Variants in USH2A observed in about 807,000 individuals in gnomAD.
USH2A encodes the protein usherin, also known as Usher syndrome 2A (autosomal recessive, mild).
USH2A carries 443 observed loss-of-function variants against 538.9 expected under a neutral mutation model. The observed-to-expected ratio is 0.82, with a 90% CI of 0.76 to 0.89. The LOEUF is 0.89. USH2A is among the 40% of genes least tolerant of loss of function. The pLI is 0.00. For synonymous variants in USH2A, 2,413 were observed against 2,273.5 expected (o/e 1.06, Z -1.75); for missense variants, 6,633 against 6,324.8 (o/e 1.05, Z -1.65).
intron 21 of USH2A, among the ~76,000 whole-genome samples, chr1:216,164,626 C>T (rs545976619): frequency 3.2e-4 from 49 of 152,118 alleles, no homozygotes; most frequent in African/African-American, 1.2e-3. Context: ...AACATGTATG[C>T]TTCTAGTGGA....
intron 13 of USH2A, among the ~76,000 whole-genome samples, chr1:216,236,501 GTTTA>G: frequency 6.6e-6 from 1 of 152,100 alleles, no homozygotes; most frequent in East Asian, 1.9e-4. Context: ...CTCAATAGAT[GTTTA>G]TTGAAAAACA....
chr1:216,344,177 T>G (rs1403597592), intron 4 of USH2A, among the ~76,000 whole-genome samples: 2 of 151,974 alleles, frequency 1.3e-5, no homozygotes, highest in Non-Finnish European at 2.9e-5. Context: ...ACATTTCCAA[T>G]AAAAGCTTAA....
At chr1:215,959,056 C>G (rs1667136792) in intron 37 of USH2A, among the ~76,000 whole-genome samples, 1 of 152,068 alleles carries the variant, frequency 6.6e-6, no homozygotes, top group African/African-American at 2.4e-5. Flanking sequence ...TCCTTGGAGC[C>G]AGAAGCACCA....
At chr1:215,965,923 T>TCTCACA (rs1016685578) in intron 36 of USH2A, among the ~76,000 whole-genome samples, 7 of 142,470 alleles carry the variant, frequency 4.9e-5, no homozygotes, top group African/African-American at 1.6e-4. Flanking sequence ...CTCTTCTCTG[T>TCTCACA]CACACACACA....
At chr1:216,307,377 C>T (rs1054107184) in intron 9 of USH2A, among the ~76,000 whole-genome samples, 2 of 152,116 alleles carry the variant, frequency 1.3e-5, no homozygotes, top group African/African-American at 4.8e-5. Context: ...CCTCACCCAG[C>T]TCCCATGCAA....
At chr1:216,107,417 G>A (rs1427967275) in intron 21 of USH2A, among the ~76,000 whole-genome samples, 1 of 151,632 alleles carries the variant, frequency 6.6e-6, no homozygotes, top group Non-Finnish European at 1.5e-5. Context: ...AATTTTGGCT[G>A]ATATAAATAT....
At chr1:216,131,398 G>A (rs933572188) in intron 21 of USH2A, among the ~76,000 whole-genome samples, 1 of 152,042 alleles carries the variant, frequency 6.6e-6, no homozygotes, top group African/African-American at 2.4e-5. Flanking sequence ...CCAATGCCTA[G>A]AAGGGTTTTT....
chr1:215,687,038 G>A (rs992088725), intron 61 of USH2A, among the ~76,000 whole-genome samples: 2 of 152,144 alleles, frequency 1.3e-5, no homozygotes, highest in African/African-American at 2.4e-5. Context: ...ACATGTTTGA[G>A]TGGAACCCTC....
rs768572078 is a variant in USH2A at position 216,099,622 on chromosome 1, GGACA to G, written c.4628-2413_4628-2410del. Among the ~76,000 whole-genome samples the G allele has an allele frequency of 2.0e-4, 30 of 152,046 alleles. 1 individual carries two copies. Among genetic ancestry groups the G allele is most frequent in the Non-Finnish European group, 1.5e-4 (10 of 68,000 alleles). On this transcript the variant is annotated intron_variant, in intron 21 of 71. Coordinates refer to ENST00000307340, the MANE Select transcript of USH2A (RefSeq NM_206933.4). ...GCTGTGCTTTGGGAGAATAAGACAA[GGACA>G]GACAAGTAACTGAATTAGTAATTGA...
intron 3 of USH2A, among the ~76,000 whole-genome samples, chr1:216,407,604 A>G (rs2039417166): frequency 6.6e-6 from 1 of 152,148 alleles, no homozygotes; most frequent in Admixed American, 6.6e-5. Context: ...TAAAGTCATA[A>G]TCTCCATTCC....
chr1:216,183,770 A>G (rs2034537416), intron 20 of USH2A, among the ~76,000 whole-genome samples: 2 of 151,988 alleles, frequency 1.3e-5, no homozygotes, highest in African/African-American at 2.4e-5. Context: ...TTAACAGTAA[A>G]TTGTTTTACT....
At chr1:215,818,971 GA>G (rs914122227) in intron 47 of USH2A, among the ~76,000 whole-genome samples, 6 of 151,530 alleles carry the variant, frequency 4.0e-5, no homozygotes, top group Non-Finnish European at 7.4e-5. Flanking sequence ...AAATTATAAT[GA>G]TTTTTTTGTT....
At chr1:215,951,136 T>G (rs1461357098) in intron 37 of USH2A, among the ~76,000 whole-genome samples, 2 of 152,156 alleles carry the variant, frequency 1.3e-5, no homozygotes, top group Non-Finnish European at 2.9e-5. Flanking sequence ...GTTCTTTTAA[T>G]TGTGATGTTA....
At chr1:215,902,898 CT>C (rs1665538604) in intron 38 of USH2A, among the ~76,000 whole-genome samples, 1 of 151,972 alleles carries the variant, frequency 6.6e-6, no homozygotes, top group African/African-American at 2.4e-5. Flanking sequence ...GAGTTGTAGC[CT>C]TCATAGGAGT....
chr1:215,893,155 T>C (rs1002189545), intron 40 of USH2A, among the ~76,000 whole-genome samples: 4 of 152,156 alleles, frequency 2.6e-5, no homozygotes, highest in Non-Finnish European at 5.9e-5. Flanking sequence ...GCAAATCAAC[T>C]CTGTTTACAG....
chr1:215,739,325 G>C (rs1660239560), intron 60 of USH2A, among the ~76,000 whole-genome samples: 1 of 152,112 alleles, frequency 6.6e-6, no homozygotes, highest in South Asian at 2.1e-4. Flanking sequence ...GCCATCAAAT[G>C]CTGTCAAATT....
intron 19 of USH2A, among the ~76,000 whole-genome samples, chr1:216,195,024 C>T (rs2034807573): frequency 2.0e-5 from 3 of 152,102 alleles, no homozygotes; most frequent in Non-Finnish European, 4.4e-5. Flanking sequence ...GGAACAAAGG[C>T]ATAACATGTA....
chr1:216,078,324 A>G lies in USH2A; in HGVS notation c.5337T>C (p.Asn1779=). 6.2e-7 allele frequency: 1 copy of G among 1,613,750 alleles called. No homozygotes were observed. Among genetic ancestry groups the G allele is most frequent in the Non-Finnish European group, 8.5e-7 (1 of 1,179,708 alleles). Reference sequence around the variant, plus strand: ...CCACTTGTGTAAAGGCAAGACTGGTATTTAACCGGAAGGTCAATATTCCAC... The same window carrying G: ...CCACTTGTGTAAAGGCAAGACTGGTGTTTAACCGGAAGGTCAATATTCCAC... ...LKSGILTFRL[N]TSLAFTQVDL... is the part of the protein sequence containing the mutation. The change falls in exon 27 of 72, where the codon AAT becomes AAC. Residue 1779 remains asparagine, a synonymous_variant. Transcript: ENST00000307340.
rs2033182867 is a variant in USH2A, at chr1:216,123,691, T to C, written c.4628-26478A>G. Among the ~76,000 whole-genome samples the C allele has an allele frequency of 4.6e-5, 7 of 152,188 alleles. No individual in the cohort carries two copies. The South Asian group carries it at 1.5e-3, about 32-fold the overall frequency. On this transcript the variant is annotated intron_variant, in intron 21 of 71. Transcript: ENST00000307340. Reference sequence around the variant, plus strand: ...TTTTATGTACACAATGGAAATTCAATGTTCCTGACTTACACAGCCCAATGC... The same window carrying C: ...TTTTATGTACACAATGGAAATTCAACGTTCCTGACTTACACAGCCCAATGC...
Sources: allele counts gnomAD v4.1 joint callset (sites outside exome capture counted in the v4.1 genomes callset), GRCh38; gene constraint gnomAD v4.1.1; transcripts MANE v1.5; gene names NCBI Gene and HGNC (gene_info 2026-07-23, HGNC 2026-07-21).